Variants in CDKL4 observed in about 807,000 individuals in gnomAD.
CDKL4 encodes the protein cyclin dependent kinase like 4.
A neutral mutation model predicts 42.0 loss-of-function variants in CDKL4; 44 were observed. That is an observed-to-expected ratio of 1.05 (90% CI 0.82 to 1.35). The LOEUF (loss-of-function observed/expected upper bound fraction) is 1.35. CDKL4 is among the 40% of genes most tolerant of loss of function. The pLI, the probability that CDKL4 is intolerant of heterozygous loss-of-function variation, is 0.00. For synonymous variants in CDKL4, 120 were observed against 121.6 expected (o/e 0.99, Z 0.09); for missense variants, 393 against 369.9 (o/e 1.06, Z -0.51).
At chr2:39,210,405 G>A (rs553561966) in intron 4 of CDKL4, among the ~76,000 whole-genome samples, 2 of 152,208 alleles carry the variant, frequency 1.3e-5, no homozygotes, top group Admixed American at 6.5e-5. Flanking sequence ...TGGCAGTTGC[G>A]TTGGTCTACA....
chr2:39,199,369 G>T (rs1172993310), intron 5 of CDKL4, among the ~76,000 whole-genome samples: 1 of 151,976 alleles, frequency 6.6e-6, no homozygotes, highest in African/African-American at 2.4e-5. Flanking sequence ...ATGAAAAAAA[G>T]TCCAAGACCA....
chr2:39,205,111 T>G (rs1298117930), intron 4 of CDKL4, among the ~76,000 whole-genome samples: 3 of 152,048 alleles, frequency 2.0e-5, no homozygotes. Context: ...GCCTCGAAGG[T>G]TGAGGCTGCA....
At chr2:39,209,137 A>T (rs1455734358) in intron 4 of CDKL4, among the ~76,000 whole-genome samples, 1 of 149,876 alleles carries the variant, frequency 6.7e-6, no homozygotes, top group Non-Finnish European at 1.5e-5. Context: ...TATCTCTACA[A>T]AAAAAAAAAA....
At chr2:39,218,639 C>T (rs986787629) in intron 3 of CDKL4, among the ~76,000 whole-genome samples, 8 of 152,150 alleles carry the variant, frequency 5.3e-5, no homozygotes, top group African/African-American at 1.4e-4. Context: ...TCATCAAACC[C>T]GTTGAAGGCC....
At chr2:39,196,971 G>A (rs908554277) in intron 5 of CDKL4, among the ~76,000 whole-genome samples, 34 of 152,098 alleles carry the variant, frequency 2.2e-4, no homozygotes, top group Admixed American at 1.4e-3. Context: ...ATCCAAGCCA[G>A]GAGAAAAATC....
chr2:39,170,536 G>A, the CDKL4 span, among the ~76,000 whole-genome samples: 5 of 151,802 alleles, frequency 3.3e-5, no homozygotes, highest in East Asian at 3.9e-4. Flanking sequence ...GGCTCACTGC[G>A]ACCTCCACCT....
At chr2:39,238,290 G>A (rs971678976) in intron 1 of CDKL4, among the ~76,000 whole-genome samples, 3 of 152,088 alleles carry the variant, frequency 2.0e-5, no homozygotes, top group Admixed American at 6.6e-5. Context: ...TAATTAGCCA[G>A]GGTCTAGTGG....
At chr2:39,231,002 G>A (rs1041533660) in intron 1 of CDKL4, among the ~76,000 whole-genome samples, 1 of 152,162 alleles carries the variant, frequency 6.6e-6, no homozygotes, top group African/African-American at 2.4e-5. Context: ...CTGAGGTCAG[G>A]AGTTCGAGAC....
chr2:39,229,558 G>C (rs760644652), exon 2 of CDKL4: 18 of 1,572,492 alleles, frequency 1.1e-5, no homozygotes, highest in Non-Finnish European at 1.6e-5. Flanking sequence ...TTAAATTATT[G>C]TATCGATTGA....
intron 8 of CDKL4, among the ~76,000 whole-genome samples, chr2:39,183,739 G>T (rs1025108449): frequency 1.3e-5 from 2 of 152,124 alleles, no homozygotes; most frequent in African/African-American, 4.8e-5. Flanking sequence ...AAGCAGATCT[G>T]GGCAGTAAGA....
intron 1 of CDKL4, among the ~76,000 whole-genome samples, chr2:39,240,888 A>G (rs189248684): frequency 1.3e-5 from 2 of 152,322 alleles, no homozygotes; most frequent in South Asian, 2.1e-4. Context: ...AACAATAGAC[A>G]TGGCCAAACT....
Position 39,213,385 on chromosome 2 carries a change from G to T in CDKL4, c.363+15C>A, listed in dbSNP as rs759243811. ...CATGAAGAAATGAATAAATACATTA[G>T]AAAATGTTACTTACGTTATGTATAT... is the stretch of plus-strand genomic sequence containing the variant. On this transcript the variant is annotated intron_variant, in intron 4 of 9. Coordinates refer to ENST00000451199, the Ensembl canonical transcript of CDKL4. 8 of 1,491,914 alleles carry T rather than the reference G, an allele frequency of 5.4e-6. No individual in the cohort carries two copies. The highest frequency in any genetic ancestry group is 1.7e-5 in the Admixed American group (1 of 58,460). 92.4% of individuals were successfully genotyped at this position (1,491,914 alleles called of 1,614,324 possible).
Position 39,185,335 on chromosome 2 carries a change from T to TATATATAC in CDKL4, c.736-689_736-688insGTATATAT, listed in dbSNP as rs1491223871. Among the ~76,000 whole-genome samples the TATATATAC allele has an allele frequency of 6.1e-4, 54 of 88,834 alleles. 13 individuals are homozygous for TATATATAC. Among genetic ancestry groups the TATATATAC allele is most frequent in the Non-Finnish European group, 8.9e-4 (44 of 49,470 alleles). 58.3% of individuals were successfully genotyped at this position (88,834 alleles called of 152,430 possible). ...ATATATACATATATATACACATATG[T>TATATATAC]ATATATATACACATATGTATATATA... On this transcript the variant is annotated intron_variant, in intron 7 of 9. Coordinates refer to ENST00000451199, the Ensembl canonical transcript of CDKL4.
intron 7 of CDKL4, among the ~76,000 whole-genome samples, 187 bp from the exon 8 acceptor site, chr2:39,184,834 A>G (rs1483712696): frequency 6.6e-6 from 1 of 151,772 alleles, no homozygotes; most frequent in Non-Finnish European, 1.5e-5. Flanking sequence ...TCCTGGGCTC[A>G]AGAGATTTTT....
At position 39,184,575 on chromosome 2, in the gene CDKL4, A is replaced by G; in HGVS notation, c.792+16T>C. 6.3e-7 allele frequency: 1 copy of G among 1,592,216 alleles called. No individual in the cohort carries two copies. The highest frequency in any genetic ancestry group is 1.1e-5 in the South Asian group (1 of 90,180). On this transcript the variant is annotated intron_variant, in intron 8 of 9. Coordinates refer to ENST00000451199, the Ensembl canonical transcript of CDKL4. ...CAATTTATAGCTAATAAGAGTTATA[A>G]TTGATTCTTAAGTACCTTCATGAAG...
Position 39,220,976 on chromosome 2 carries a change from CTTTTTTTTTTTTTTT to C in CDKL4, c.290+4848_290+4862del, listed in dbSNP as rs1157655136. ...AATCCGCATTCACTACATCGACGAT[CTTTTTTTTTTTTTTT>C]TTTTTTTTTGTTTTTTTTTTTGTTT... On this transcript the variant is annotated intron_variant, in intron 3 of 9. Coordinates refer to ENST00000451199, the Ensembl canonical transcript of CDKL4. Among the ~76,000 whole-genome samples the C allele has an allele frequency of 8.1e-5, 4 of 49,146 alleles. No homozygotes were observed. The East Asian group carries it at 2.9e-3, about 36-fold the overall frequency. 32.2% of individuals were successfully genotyped at this position (49,146 alleles called of 152,430 possible).
At chr2:39,192,180 T>C (rs1299817240) in intron 5 of CDKL4, among the ~76,000 whole-genome samples, 2 of 152,242 alleles carry the variant, frequency 1.3e-5, no homozygotes, top group African/African-American at 4.8e-5. Context: ...ATAAGTCAGC[T>C]GTTTTATTTG....
downstream of CDKL4, among the ~76,000 whole-genome samples, chr2:39,174,819 C>A (rs1470227413): frequency 6.6e-6 from 1 of 152,090 alleles, no homozygotes; most frequent in African/African-American, 2.4e-5. Context: ...TATTCTGCAT[C>A]ATTTTTGATG....
intron 5 of CDKL4, among the ~76,000 whole-genome samples, chr2:39,194,214 T>C (rs1170576969): frequency 6.6e-6 from 1 of 152,200 alleles, no homozygotes; most frequent in Non-Finnish European, 1.5e-5. Flanking sequence ...TCCAGCACTT[T>C]GGGAGGCCGA....
Sources: gnomAD v4.1 joint callset for allele counts (sites outside exome capture counted in the v4.1 genomes callset) on GRCh38, gnomAD v4.1.1 for gene constraint, MANE v1.5 for transcripts, NCBI Gene and HGNC (gene_info 2026-07-23, HGNC 2026-07-21) for gene names.